Variants in SPECC1 observed in about 807,000 individuals in gnomAD.
The protein encoded by SPECC1 is sperm antigen with calponin homology and coiled-coil domains 1.
In SPECC1, 62 loss-of-function variants were observed where a neutral mutation model predicts 104.1. The observed-to-expected ratio is 0.60, with a 90% CI of 0.49 to 0.74. The LOEUF (loss-of-function observed/expected upper bound fraction) is 0.74. Ranked by LOEUF, SPECC1 falls within the 30% of genes least tolerant of loss-of-function variation. SPECC1 has a pLI of 0.00. For synonymous variants in SPECC1, 513 were observed against 501.6 expected (o/e 1.02, Z -0.30); for missense variants, 1,306 against 1,310.5 (o/e 1.00, Z 0.05).
At chr17:20,059,289 T>A (rs1396600501) in intron 1 of SPECC1, among the ~76,000 whole-genome samples, 1 of 152,106 alleles carries the variant, frequency 6.6e-6, no homozygotes, top group African/African-American at 2.4e-5. Flanking sequence ...CAGTGACAGA[T>A]CTTCCGGCAT....
chr17:20,037,294 T>A (rs907416544), intron 1 of SPECC1, among the ~76,000 whole-genome samples: 3 of 151,976 alleles, frequency 2.0e-5, no homozygotes, highest in Non-Finnish European at 4.4e-5. Context: ...TCCTTTTTAT[T>A]TTCCCCACCA....
chr17:20,313,999 AG>A lies in SPECC1; in HGVS notation c.3142del (p.Asp1048ThrfsTer8). 1 of 1,614,204 alleles carries A rather than the reference AG, an allele frequency of 6.2e-7. No homozygotes were observed. The highest frequency in any genetic ancestry group is 1.1e-5 in the South Asian group (1 of 91,078). Reference sequence around the variant, plus strand: ...AGGAACTCAGCGAGATGCTGTACACAGACCGGCCCGACTGGCAGAGTGTGAT... The same window carrying A: ...AGGAACTCAGCGAGATGCTGTACACAACCGGCCCGACTGGCAGAGTGTGAT... ...SLELSEMLYTDRPDWQSVMQY... is the reference protein window; with the variant it reads ...SLELSEMLYTXRPDWQSVMQY... On this transcript the variant is annotated frameshift_variant, in exon 15 of 15. Coordinates refer to ENST00000395527, the MANE Select transcript of SPECC1 (RefSeq NM_001243439.2). LOFTEE classifies it high-confidence loss of function.
intron 3 of SPECC1, among the ~76,000 whole-genome samples, chr17:20,166,986 T>G (rs926808073): frequency 6.6e-6 from 1 of 151,974 alleles, no homozygotes; most frequent in East Asian, 1.9e-4. Flanking sequence ...GTGGCACTGC[T>G]TGTAGTCCCA....
At chr17:20,304,807 G>A (rs545891212) in intron 13 of SPECC1, among the ~76,000 whole-genome samples, 4 of 152,092 alleles carry the variant, frequency 2.6e-5, no homozygotes, top group Middle Eastern at 3.4e-3. Context: ...GAAACTGTGC[G>A]AGGAAGCCAG....
chr17:20,112,050 T>A (rs1254113231), intron 3 of SPECC1: 1 of 767,848 alleles, frequency 1.3e-6, no homozygotes, highest in East Asian at 2.4e-5. Flanking sequence ...CCTGACAGAT[T>A]CTAAACCACC....
chr17:20,264,384 T>C (rs915137427), intron 12 of SPECC1, among the ~76,000 whole-genome samples: 3 of 151,608 alleles, frequency 2.0e-5, no homozygotes, highest in African/African-American at 7.3e-5. Flanking sequence ...ACTCAGGCCT[T>C]CTTCCCTTCC....
intron 1 of SPECC1, among the ~76,000 whole-genome samples, chr17:20,039,153 T>C (rs1394112000): frequency 1.3e-5 from 2 of 152,222 alleles, no homozygotes; most frequent in African/African-American, 4.8e-5. Context: ...CAATCACTAG[T>C]GAGCTTTGTT....
chr17:20,299,013 G>C (rs1376128016), intron 13 of SPECC1, among the ~76,000 whole-genome samples: 1 of 145,092 alleles, frequency 6.9e-6, no homozygotes, highest in African/African-American at 2.6e-5. Flanking sequence ...GCTGGGGAGA[G>C]AGATTTATTC....
chr17:20,030,992 T>C (rs369545575), intron 1 of SPECC1, among the ~76,000 whole-genome samples: 7 of 152,284 alleles, frequency 4.6e-5, no homozygotes, highest in African/African-American at 1.7e-4. Context: ...TTTTGCTTTT[T>C]GTTTTTGTTT....
At chr17:20,060,365 G>A (rs1252516047) in intron 1 of SPECC1, among the ~76,000 whole-genome samples, 1 of 152,120 alleles carries the variant, frequency 6.6e-6, no homozygotes, top group Non-Finnish European at 1.5e-5. Context: ...AAAGCGTCTG[G>A]GCTGGGCTCA....
intron 4 of SPECC1, among the ~76,000 whole-genome samples, chr17:20,206,462 T>C (rs984174469): frequency 6.6e-6 from 1 of 152,258 alleles, no homozygotes; most frequent in Non-Finnish European, 1.5e-5. Flanking sequence ...TTTATAATCA[T>C]CCTGTACATG....
chr17:20,080,290 A>G (rs2046916695), intron 1 of SPECC1, among the ~76,000 whole-genome samples: 1 of 152,166 alleles, frequency 6.6e-6, no homozygotes, highest in South Asian at 2.1e-4. Flanking sequence ...TTTAGCTGGC[A>G]GGGGGACTCT....
intron 12 of SPECC1, among the ~76,000 whole-genome samples, chr17:20,279,971 G>A (rs547088346): frequency 2.6e-5 from 4 of 152,342 alleles, no homozygotes; most frequent in Admixed American, 2.0e-4. Flanking sequence ...GGCACGTGCT[G>A]TGTGGTGGAG....
At chr17:20,109,167 A>T (rs1377289457) in intron 2 of SPECC1, among the ~76,000 whole-genome samples, 1 of 152,250 alleles carries the variant, frequency 6.6e-6, no homozygotes, top group Non-Finnish European at 1.5e-5. Context: ...AACTTTAAAA[A>T]ATTGTGCAAA....
At chr17:20,115,696 A>G (rs1421884486) in intron 3 of SPECC1, among the ~76,000 whole-genome samples, 1 of 152,230 alleles carries the variant, frequency 6.6e-6, no homozygotes, top group Non-Finnish European at 1.5e-5. Context: ...GATACAGAAC[A>G]TACATGTGAC....
chr17:20,080,998 C>T (rs949117074), intron 1 of SPECC1, among the ~76,000 whole-genome samples: 3 of 152,132 alleles, frequency 2.0e-5, no homozygotes, highest in African/African-American at 7.2e-5. Context: ...CAGTATGCCT[C>T]CTCCTTGCTT....
chr17:20,201,513 C>T (rs928139889), intron 3 of SPECC1, among the ~76,000 whole-genome samples: 6 of 151,858 alleles, frequency 4.0e-5, no homozygotes, highest in Admixed American at 2.6e-4. Context: ...AAAAGTCAGC[C>T]TTAATTTAGT....
chr17:20,253,583 T>C lies in SPECC1; in HGVS notation c.2677T>C (p.Ser893Pro). The change falls in exon 10 of 15, where the codon TCA becomes CCA. Residue 893 changes from serine (S) to proline (P), a missense_variant. Physicochemically the swap from Ser to Pro is moderately conservative, Grantham distance 74. Around this residue, in one of 2 missense-constraint regions of SPECC1, gnomAD observed 1,177 missense variants for 1,139.9 expected, o/e 1.03. Transcript: ENST00000395527. ...CTTGGACCTTCCTGACCTTCCCCTC[T>C]CAGGTAAATTATGTCAACATAAAGA... The part of the protein sequence containing the change: ...QRLDLPDLPL[S>P]DILKGRTETL... 6.2e-7 allele frequency: 1 copy of C among 1,613,946 alleles called. No individual in the cohort carries two copies. The highest frequency in any genetic ancestry group is 1.1e-5 in the South Asian group (1 of 91,050).
At chr17:20,221,011 C>T (rs1004581234) in intron 4 of SPECC1, among the ~76,000 whole-genome samples, 25 of 152,154 alleles carry the variant, frequency 1.6e-4, no homozygotes, top group African/African-American at 6.0e-4. Context: ...TAGGATAAAT[C>T]CCACTTGGTC....
Sources: allele counts gnomAD v4.1 joint callset (sites outside exome capture counted in the v4.1 genomes callset), GRCh38; gene constraint gnomAD v4.1.1; regional missense constraint gnomAD v4.1.1; transcripts MANE v1.5; gene names NCBI Gene and HGNC (gene_info 2026-07-23, HGNC 2026-07-21).